GOLGB1: variants seen among roughly 807,000 people sequenced by gnomAD.
GOLGB1 encodes the protein golgin B1, also known as golgin subfamily B member 1.
In GOLGB1, 174 loss-of-function variants were observed where a neutral mutation model predicts 336.9. The ratio of observed to expected loss-of-function variants is 0.52; its 90% CI spans 0.46 to 0.59. The LOEUF (loss-of-function observed/expected upper bound fraction) is 0.59, where lower values mean the gene tolerates loss of function less well. GOLGB1 is among the 20% of genes least tolerant of loss of function. The pLI is 0.00. For synonymous variants in GOLGB1, 1,208 were observed against 1,289.2 expected, an observed-to-expected ratio of 0.94 and a Z score of 1.35; for missense variants, 3,331 against 3,645.3, an observed-to-expected ratio of 0.91 and a Z score of 2.22.
intron 14 of GOLGB1, among the ~76,000 whole-genome samples, chr3:121,687,201 G>T (rs962476959): frequency 6.6e-6 from 1 of 152,164 alleles, no homozygotes; most frequent in Non-Finnish European, 1.5e-5. Context: ...GGCGGAGGTT[G>T]CAGTGAGCCA....
intron 13 of GOLGB1, 115 bp from the exon 14 acceptor site, chr3:121,692,696 C>G: frequency 1.6e-6 from 1 of 611,056 alleles, no homozygotes; most frequent in African/African-American, 1.8e-5. Context: ...ACATTCATAA[C>G]AGGTGTTAAA....
intron 9 of GOLGB1, 69 bp downstream of exon 9, chr3:121,716,668 C>T: frequency 8.1e-7 from 1 of 1,232,576 alleles, no homozygotes; most frequent in African/African-American, 1.5e-5. Flanking sequence ...TTAACAGATC[C>T]CTGAAAATAT....
chr3:121,717,100 T>A lies in GOLGB1; in HGVS notation c.925A>T (p.Asn309Tyr), dbSNP rs763617641. ...QQLQQMEAEHNTLRNTVETER... is the reference protein window; with the variant it reads ...QQLQQMEAEHYTLRNTVETER... ...GTTTCCACAGTGTTCCTCAAAGTAT[T>A]ATGCTCAGCTTCCATCTGCTGTAAC... The change falls in exon 9 of 22, where the codon AAT (asparagine) becomes TAT (tyrosine). Residue 309 changes from asparagine to tyrosine, a missense_variant. Physicochemically the swap from Asn to Tyr is moderately radical, Grantham distance 143. Coordinates refer to ENST00000614479, the MANE Select transcript of GOLGB1 (RefSeq NM_001366282.2). The A allele has an allele frequency of 1.9e-6, 3 of 1,613,070 alleles. No homozygotes were observed. Among genetic ancestry groups the A allele is most frequent in the Non-Finnish European group, 2.5e-6 (3 of 1,179,222 alleles).
rs1288402324 is a variant in GOLGB1, at chr3:121,663,729, G to A, written c.*751C>T. The A allele has an allele frequency of 2.0e-5, 3 of 152,144 alleles. No homozygotes were observed. Among genetic ancestry groups the A allele is most frequent in the Non-Finnish European group, 4.4e-5 (3 of 68,036 alleles). 9.4% of individuals were successfully genotyped at this position (152,144 alleles called of 1,614,324 possible). ...CTGGAATGACAAGAATTGGAACCCT[G>A]CTGTCCATAGACACTTCTCCCTGCC... On this transcript the variant is annotated 3_prime_UTR_variant, in exon 22 of 22. Coordinates refer to ENST00000614479, the MANE Select transcript of GOLGB1 (RefSeq NM_001366282.2).
intron 11 of GOLGB1, 100 bp from the exon 12 acceptor site, chr3:121,699,985 T>A (rs1041540714): frequency 1.3e-5 from 9 of 697,038 alleles, no homozygotes; most frequent in African/African-American, 5.4e-5. Flanking sequence ...AATAATTTTT[T>A]AAAAAATAAA....
chr3:121,707,750 T>C (rs1010747482), intron 10 of GOLGB1, among the ~76,000 whole-genome samples: 3 of 152,158 alleles, frequency 2.0e-5, no homozygotes, highest in Middle Eastern at 3.2e-3. Flanking sequence ...TAAAGTTTTA[T>C]TGGAACATAA....
In GOLGB1 at chr3:121,697,925, C is replaced by T. The variant is rs1191861005; in HGVS notation, c.2598G>A (p.Val866=). 2 of 1,613,996 alleles carry T rather than the reference C, an allele frequency of 1.2e-6. No homozygotes were observed. Among genetic ancestry groups the T allele is most frequent in the Non-Finnish European group, 1.7e-6 (2 of 1,179,946 alleles). Residue 866 remains valine (V), a synonymous_variant, in exon 13 of 22, where the codon GTG becomes GTA. Coordinates refer to ENST00000614479, the MANE Select transcript of GOLGB1 (RefSeq NM_001366282.2). Reference sequence around the variant, plus strand: ...GTGAAAGAGCCTGGGACAGTTCTTCCACTTTACTTGAGATATGCCTTACAC... The same window carrying T: ...GTGAAAGAGCCTGGGACAGTTCTTCTACTTTACTTGAGATATGCCTTACAC... ...AERVRHISSK[V]EELSQALSQK...
chr3:121,706,035 T>C (rs781119231), intron 10 of GOLGB1, among the ~76,000 whole-genome samples: 10 of 150,784 alleles, frequency 6.6e-5, no homozygotes, highest in African/African-American at 9.8e-5. Flanking sequence ...AAAACAAATA[T>C]AGAAACAAAG....
chr3:121,681,998 A>G, intron 14 of GOLGB1, 133 bp from the exon 15 acceptor site: 1 of 647,328 alleles, frequency 1.5e-6, no homozygotes, highest in South Asian at 1.8e-5. Context: ...CTGATGACAT[A>G]TCACTGCAAC....
In GOLGB1 at chr3:121,733,361, A is replaced by C. The variant is rs1213229529; in HGVS notation, c.-2-2388T>G. Among the ~76,000 whole-genome samples, 8 of 152,152 alleles carry C rather than the reference A, an allele frequency of 5.3e-5. No homozygotes were observed. In the East Asian group the frequency reaches 1.5e-3, roughly 29 times the overall value. ...ACAAGAGGAATTTGAAACCAATAAG[A>C]ATACCATTTACAACAGCACTGAATA... On this transcript the variant is annotated intron_variant, in intron 1 of 21. Coordinates refer to ENST00000614479, the MANE Select transcript of GOLGB1 (RefSeq NM_001366282.2).
At chr3:121,677,111 C>A in intron 16 of GOLGB1, 81 bp from the exon 17 acceptor site, 1 of 1,549,584 alleles carries the variant, frequency 6.5e-7, no homozygotes, top group African/African-American at 1.4e-5. Context: ...TCCTGTCCGC[C>A]CCATAGAAGT....
intron 13 of GOLGB1, 124 bp downstream of exon 13, chr3:121,693,617 A>C (rs1158472197): frequency 2.8e-6 from 2 of 714,292 alleles, no homozygotes; most frequent in African/African-American, 1.8e-5. Flanking sequence ...GTGAGAGAGA[A>C]TATATCTTCC....
Position 121,694,127 on chromosome 3 carries a change from C to T in GOLGB1, c.6396G>A (p.Leu2132=), listed in dbSNP as rs1311853279. 7.4e-6 allele frequency: 12 copies of T among 1,613,726 alleles called. No individual in the cohort carries two copies. Among genetic ancestry groups the T allele is most frequent in the Non-Finnish European group, 1.0e-5 (12 of 1,180,002 alleles). The change falls in exon 13 of 22, where the codon CTG becomes CTA. Residue 2132 remains leucine, a synonymous_variant. Coordinates refer to ENST00000614479, the MANE Select transcript of GOLGB1 (RefSeq NM_001366282.2). ...KQKDEDLERR[L]EQAEEKHLKE... ...TCAGGTGCTTCTCTTCTGCCTGTTC[C>T]AGTCTTCGCTCAAGATCTTCATCCT...
chr3:121,675,376 T>G (rs1940223230), intron 17 of GOLGB1, among the ~76,000 whole-genome samples: 1 of 152,228 alleles, frequency 6.6e-6, no homozygotes, highest in Admixed American at 6.5e-5. Flanking sequence ...CTCATTTCTT[T>G]TTTTTGTAAA....
intron 15 of GOLGB1, among the ~76,000 whole-genome samples, chr3:121,678,712 C>T (rs555448513): frequency 4.6e-5 from 7 of 152,098 alleles, no homozygotes; most frequent in Admixed American, 6.5e-5. Context: ...GGATTACAGG[C>T]GCACGCCACC....
intron 10 of GOLGB1, among the ~76,000 whole-genome samples, chr3:121,710,251 G>T (rs571549211): frequency 6.6e-6 from 1 of 151,848 alleles, no homozygotes; most frequent in Admixed American, 6.6e-5. Flanking sequence ...TTCAAAAACC[G>T]AAATAATACC....
At chr3:121,681,577 T>G (rs1941075125) in intron 15 of GOLGB1, 110 bp downstream of exon 15, 2 of 741,242 alleles carry the variant, frequency 2.7e-6, no homozygotes, top group Non-Finnish European at 4.4e-6. Context: ...TGGAAGAAAC[T>G]GGGTGAAGGG....
intron 1 of GOLGB1, chr3:121,748,683 T>C (rs576838180): frequency 4.2e-5 from 13 of 307,944 alleles, no homozygotes; most frequent in Admixed American, 1.3e-4. Flanking sequence ...CTGGCCCTTA[T>C]GTAAAGAGCC....
chr3:121,697,749 T>C lies in GOLGB1; in HGVS notation c.2774A>G (p.Glu925Gly). Reference sequence around the variant, plus strand: ...AATTTCAACCCCAAGAGAAAACTTCTCTTCATTAAGCTGAACCATTTTCTC... The same window carrying C: ...AATTTCAACCCCAAGAGAAAACTTCCCTTCATTAAGCTGAACCATTTTCTC... Reference protein sequence around the residue: ...MTEKMVQLNEEKFSLGVEIKT... With the variant: ...MTEKMVQLNEGKFSLGVEIKT... The change falls in exon 13 of 22, where the codon GAG becomes GGG. Residue 925 changes from glutamate to glycine, a missense_variant. Transcript: ENST00000614479. The C allele has an allele frequency of 6.2e-7, 1 of 1,614,084 alleles. No homozygotes were observed. Among genetic ancestry groups the C allele is most frequent in the African/African-American group, 1.3e-5 (1 of 75,062 alleles).
Sources: allele counts gnomAD v4.1 joint callset (sites outside exome capture counted in the v4.1 genomes callset), GRCh38; gene constraint gnomAD v4.1.1; transcripts MANE v1.5; gene names NCBI Gene and HGNC (gene_info 2026-07-23, HGNC 2026-07-21).